Variants in UNC80 observed in about 807,000 individuals in gnomAD.
UNC80 encodes protein unc-80 homolog.
A neutral mutation model predicts 384.6 loss-of-function variants in UNC80; 164 were observed. That is an observed-to-expected ratio of 0.43 (90% CI 0.38 to 0.49). UNC80 has a LOEUF of 0.49. Among genes scored for constraint, UNC80 ranks in the 20% least tolerant of loss-of-function variants. The probability of loss-of-function intolerance (pLI) is 0.00; values close to 1 mark genes in which losing one functional copy is unlikely to be tolerated. For synonymous variants in UNC80, 1,486 were observed against 1,527.8 expected (o/e 0.97, Z 0.64); for missense variants, 3,330 against 4,143.0 (o/e 0.80, Z 5.39).
At chr2:209,920,267 A>T (rs747337435) in intron 33 of UNC80, among the ~76,000 whole-genome samples, 1 of 152,206 alleles carries the variant, frequency 6.6e-6, no homozygotes, top group Non-Finnish European at 1.5e-5. Flanking sequence ...TTATCTACAA[A>T]TGCAGCCCTG....
At chr2:209,902,696 G>A (rs1163659770) in intron 28 of UNC80, among the ~76,000 whole-genome samples, 1 of 152,090 alleles carries the variant, frequency 6.6e-6, no homozygotes, top group African/African-American at 2.4e-5. Flanking sequence ...GCATATTTTA[G>A]CAATAAAGCA....
chr2:209,809,425 A>C (rs2079172278), intron 7 of UNC80: 3 of 1,456,826 alleles, frequency 2.1e-6, no homozygotes, highest in Non-Finnish European at 2.9e-6. Flanking sequence ...TACCCACTGC[A>C]GCCGTGCCTT....
intron 25 of UNC80, among the ~76,000 whole-genome samples, chr2:209,887,258 C>CA (rs936035665): frequency 3.4e-4 from 52 of 152,216 alleles, no homozygotes; most frequent in African/African-American, 1.2e-3. Context: ...AGGCTGGTCT[C>CA]AAACTGCCGA....
At chr2:209,867,482 A>G (rs1445145215) in intron 22 of UNC80, among the ~76,000 whole-genome samples, 2 of 152,144 alleles carry the variant, frequency 1.3e-5, no homozygotes, top group African/African-American at 4.8e-5. Flanking sequence ...GATTTTGTTA[A>G]GCATTCTCGT....
At chr2:209,883,953 C>T (rs2085534863) in intron 25 of UNC80, among the ~76,000 whole-genome samples, 1 of 152,118 alleles carries the variant, frequency 6.6e-6, no homozygotes. Flanking sequence ...AGCATAAATA[C>T]AGCCAAAATG....
At chr2:209,849,867 C>A (rs2082400464) in intron 22 of UNC80, among the ~76,000 whole-genome samples, 1 of 152,058 alleles carries the variant, frequency 6.6e-6, no homozygotes, top group African/African-American at 2.4e-5. Context: ...TAAAATCACT[C>A]TGACATTTAC....
intron 15 of UNC80, among the ~76,000 whole-genome samples, chr2:209,831,033 G>A (rs1313575118): frequency 2.0e-5 from 3 of 151,950 alleles, no homozygotes; most frequent in Non-Finnish European, 4.4e-5. Context: ...TGAGAAAGTA[G>A]CATTTCTCAC....
At chr2:209,848,975 T>C (rs2082339526) in intron 21 of UNC80, among the ~76,000 whole-genome samples, 1 of 152,054 alleles carries the variant, frequency 6.6e-6, no homozygotes, top group African/African-American at 2.4e-5. Context: ...TGAGAAAAGG[T>C]TTTTCCTTTC....
Position 209,970,839 on chromosome 2 carries a change from G to A in UNC80, c.8138G>A (p.Gly2713Glu). The A allele has an allele frequency of 6.4e-7, 1 of 1,551,442 alleles. No individual in the cohort carries two copies. Among genetic ancestry groups the A allele is most frequent in the Non-Finnish European group, 8.7e-7 (1 of 1,146,880 alleles). Residue 2713 changes from glycine to glutamate, a missense_variant, in exon 54 of 65, where the codon GGA becomes GAA. Coordinates refer to ENST00000673920, the MANE Select transcript of UNC80 (RefSeq NM_001371986.1). ...LINVCVNLVM[G>E]VVGPSSVADG... is the part of the protein sequence containing the mutation. The stretch of plus-strand genomic sequence containing the variant: ...GCTCTGTTTGTATTTCAGGTGATGG[G>A]AGTGGTAGGACCTTCCAGTGTTGCT...
chr2:209,933,933 T>C lies in UNC80; in HGVS notation c.6106T>C (p.Phe2036Leu). The C allele has an allele frequency of 6.4e-7, 1 of 1,551,074 alleles. No individual in the cohort carries two copies. Among genetic ancestry groups the C allele is most frequent in the South Asian group, 1.2e-5 (1 of 84,022 alleles). The change falls in exon 39 of 65, where the codon TTC becomes CTC. Residue 2036 changes from phenylalanine (F) to leucine (L), a missense_variant. Transcript: ENST00000673920. ...EVVGYVEGLF[F>L]KDLKQTMKKE... ...GGTGGGTTACGTGGAGGGCCTCTTCTTCAAGGATCTCAAGCAGACGATGAA... is the reference window on the plus strand; with the variant it reads ...GGTGGGTTACGTGGAGGGCCTCTTCCTCAAGGATCTCAAGCAGACGATGAA...
chr2:209,777,509 A>G lies in UNC80; in HGVS notation c.550A>G (p.Thr184Ala). ...RRKIFQNSMATVELFVFLFAP... is the reference protein window; with the variant it reads ...RRKIFQNSMAAVELFVFLFAP... The stretch of plus-strand genomic sequence containing the variant: ...AAAGATCTTCCAGAACTCCATGGCT[A>G]CTGTGGAGCTCTTCGTGTTTCTGTT... Residue 184 changes from threonine to alanine, a missense_variant, in exon 4 of 65, where the codon ACT (threonine) becomes GCT (alanine). By Grantham distance (58) the Thr-to-Ala change is moderately conservative. Coordinates refer to ENST00000673920, the MANE Select transcript of UNC80 (RefSeq NM_001371986.1). 1 of 1,614,094 alleles carries G rather than the reference A, an allele frequency of 6.2e-7. No individual in the cohort carries two copies. Among genetic ancestry groups the G allele is most frequent in the Non-Finnish European group, 8.5e-7 (1 of 1,179,962 alleles).
At chr2:209,951,915 G>C (rs1206943874) in intron 47 of UNC80, among the ~76,000 whole-genome samples, 2 of 151,606 alleles carry the variant, frequency 1.3e-5, no homozygotes, top group Non-Finnish European at 2.9e-5. Flanking sequence ...CCTCTGTTCT[G>C]TCTTGATGTT....
chr2:209,964,132 G>A (rs2092676811), intron 51 of UNC80, among the ~76,000 whole-genome samples: 1 of 152,264 alleles, frequency 6.6e-6, no homozygotes, highest in South Asian at 2.1e-4. Context: ...TCACTCTTCA[G>A]TTCTCTTGGA....
chr2:209,782,007 G>T (rs1305202851), intron 4 of UNC80, among the ~76,000 whole-genome samples: 1 of 151,718 alleles, frequency 6.6e-6, no homozygotes, highest in Non-Finnish European at 1.5e-5. Context: ...CCTAAATATT[G>T]CCCAAATTTA....
intron 22 of UNC80, among the ~76,000 whole-genome samples, chr2:209,857,380 T>C (rs2083012429): frequency 6.6e-6 from 1 of 152,260 alleles, no homozygotes. Context: ...AGTTTATCAA[T>C]GTAATCTATA....
intron 24 of UNC80, among the ~76,000 whole-genome samples, chr2:209,878,843 C>A (rs1283029628): frequency 6.6e-6 from 1 of 152,134 alleles, no homozygotes; most frequent in Non-Finnish European, 1.5e-5. Context: ...TCTCTTCCTC[C>A]TGACCTTCCC....
Position 209,965,471 on chromosome 2 carries a change from G to T in UNC80, c.7806-1966G>T, listed in dbSNP as rs981743483. Among the ~76,000 whole-genome samples, 667 of 141,810 alleles carry T rather than the reference G, an allele frequency of 4.7e-3. 6 individuals are homozygous for T. The highest frequency in any genetic ancestry group is 8.4e-3 in the Non-Finnish European group (541 of 64,546). 93.0% of individuals were successfully genotyped at this position (141,810 alleles called of 152,430 possible). On this transcript the variant is annotated intron_variant, in intron 51 of 64. Transcript: ENST00000673920. ...CCAGACCAGACCTTAGAAGTTTTTTGTTTTTTTTTTTTTAGACAGAGTCTT... is the reference window on the plus strand; with the variant it reads ...CCAGACCAGACCTTAGAAGTTTTTTTTTTTTTTTTTTTTAGACAGAGTCTT...
Position 209,998,157 on chromosome 2 carries a change from A to T in UNC80, c.*2562A>T, listed in dbSNP as rs991965981. On this transcript the variant is annotated 3_prime_UTR_variant, in exon 65 of 65. Transcript: ENST00000673920. ...CCACTTCCCATGTAGAAAAAATTAG[A>T]CTCAGCAAAGAGGTTGCTTCTTCTG... 1.6e-4 allele frequency: 24 copies of T among 152,122 alleles called. No homozygotes were observed. The highest frequency in any genetic ancestry group is 5.6e-4 in the African/African-American group (23 of 41,406). The allele number at this position is 152,122 out of a possible 1,614,324, so 9.4% of individuals were successfully genotyped here.
chr2:209,953,366 A>T (rs1412003589), intron 47 of UNC80, among the ~76,000 whole-genome samples: 1 of 149,936 alleles, frequency 6.7e-6, no homozygotes, highest in Non-Finnish European at 1.5e-5. Flanking sequence ...AGTGAGCCGA[A>T]ATCATGCCAC....
Sources: allele counts gnomAD v4.1 joint callset (sites outside exome capture counted in the v4.1 genomes callset), GRCh38; gene constraint gnomAD v4.1.1; transcripts MANE v1.5; gene names NCBI Gene and HGNC (gene_info 2026-07-23, HGNC 2026-07-21).